Variants in RASGRF1 observed in about 807,000 individuals in gnomAD.
RASGRF1 encodes the protein ras-specific guanine nucleotide-releasing factor 1.
In RASGRF1, 40 loss-of-function variants were observed where a neutral mutation model predicts 138.7. The ratio of observed to expected loss-of-function variants is 0.29; its 90% CI spans 0.22 to 0.38. The LOEUF (loss-of-function observed/expected upper bound fraction) is 0.38. Among genes scored for constraint, RASGRF1 ranks in the 10% least tolerant of loss-of-function variants. The pLI is 1.00. For synonymous variants in RASGRF1, 614 were observed against 663.2 expected, an observed-to-expected ratio of 0.93 and a Z score of 1.14; for missense variants, 1,108 against 1,650.4, an observed-to-expected ratio of 0.67 and a Z score of 5.69.
At chr15:79,035,465 G>C (rs2057206645) in intron 5 of RASGRF1, among the ~76,000 whole-genome samples, 1 of 152,242 alleles carries the variant, frequency 6.6e-6, no homozygotes, top group Admixed American at 6.5e-5. Flanking sequence ...ATCAAGCCCA[G>C]GCTCGTCTAT....
intron 1 of RASGRF1, among the ~76,000 whole-genome samples, chr15:79,089,981 C>T (rs1394573167): frequency 6.6e-6 from 1 of 152,198 alleles, no homozygotes; most frequent in Non-Finnish European, 1.5e-5. Context: ...CCACGGGGCT[C>T]GTCCGGCGAA....
chr15:79,001,899 T>G (rs2056536763), intron 15 of RASGRF1, 112 bp from the exon 16 acceptor site: 2 of 730,100 alleles, frequency 2.7e-6, no homozygotes, highest in Non-Finnish European at 3.8e-6. Context: ...AGAGTAAACT[T>G]GGGATACAGC....
intron 4 of RASGRF1, 111 bp from the exon 5 acceptor site, chr15:79,047,110 C>T (rs74539950): frequency 0.043 from 58,484 of 1,354,208 alleles, 1,565 homozygotes; most frequent in Non-Finnish European, 0.05. Context: ...GTTATTCCTA[C>T]GCCGGGCATG....
intron 2 of RASGRF1, among the ~76,000 whole-genome samples, chr15:79,061,369 G>T (rs1204083623): frequency 7.4e-6 from 1 of 135,774 alleles, no homozygotes; most frequent in Non-Finnish European, 1.5e-5. Flanking sequence ...TGAGTTGGTG[G>T]TAACTTCTCA....
chr15:79,059,786 T>C (rs1433347586), intron 2 of RASGRF1, among the ~76,000 whole-genome samples: 3 of 152,158 alleles, frequency 2.0e-5, no homozygotes, highest in African/African-American at 4.8e-5. Context: ...CAGAATATTA[T>C]ACATACAGCG....
At chr15:79,063,949 A>G (rs1216614499) in intron 2 of RASGRF1, among the ~76,000 whole-genome samples, 1 of 152,168 alleles carries the variant, frequency 6.6e-6, no homozygotes, top group Non-Finnish European at 1.5e-5. Flanking sequence ...CTGCTGGAGC[A>G]GAGGGGAGGA....
intron 1 of RASGRF1, among the ~76,000 whole-genome samples, chr15:79,088,478 G>T (rs1201453625): frequency 6.6e-6 from 1 of 152,206 alleles, no homozygotes; most frequent in Non-Finnish European, 1.5e-5. Context: ...AAGTCACACA[G>T]CCAGGAAGTC....
chr15:79,015,252 A>G, intron 13 of RASGRF1, 75 bp downstream of exon 13: 2 of 1,436,918 alleles, frequency 1.4e-6, no homozygotes, highest in Non-Finnish European at 2.0e-6. Context: ...GGCTCATCCC[A>G]GTGTCCTGGC....
At chr15:79,051,868 T>G (rs1221883484) in intron 3 of RASGRF1, among the ~76,000 whole-genome samples, 1 of 152,182 alleles carries the variant, frequency 6.6e-6, no homozygotes, top group Non-Finnish European at 1.5e-5. Context: ...CTTGGCCCAT[T>G]GCAACTAGGA....
intron 16 of RASGRF1, among the ~76,000 whole-genome samples, 195 bp from the exon 17 acceptor site, chr15:79,000,108 C>A (rs1325368286): frequency 6.6e-6 from 1 of 152,068 alleles, no homozygotes; most frequent in Non-Finnish European, 1.5e-5. Flanking sequence ...AGAGTCACAC[C>A]ACAACACCCT....
At chr15:79,004,824 C>G (rs1251270749) in intron 14 of RASGRF1, 1 of 985,368 alleles carries the variant, frequency 1.0e-6, no homozygotes, top group African/African-American at 1.7e-5. Context: ...CCACGTTGCA[C>G]ACAGGATAGG....
intron 5 of RASGRF1, among the ~76,000 whole-genome samples, chr15:79,045,686 C>T (rs1388510881): frequency 1.3e-5 from 2 of 152,214 alleles, no homozygotes; most frequent in Non-Finnish European, 2.9e-5. Context: ...CTCACCTGAG[C>T]CTCAGACTCA....
intron 14 of RASGRF1, chr15:79,005,047 G>A: frequency 1.0e-6 from 1 of 985,458 alleles, no homozygotes; most frequent in Non-Finnish European, 1.2e-6. Context: ...TGGGCCCCTG[G>A]GAATGATCTC....
chr15:79,052,663 G>A (rs1197292382), intron 3 of RASGRF1, among the ~76,000 whole-genome samples: 4 of 152,204 alleles, frequency 2.6e-5, no homozygotes, highest in African/African-American at 9.7e-5. Flanking sequence ...GCCAGGAAGT[G>A]GCAAGGCTCC....
At chr15:78,977,265 G>T (rs1398148312) in intron 24 of RASGRF1, among the ~76,000 whole-genome samples, 2 of 152,156 alleles carry the variant, frequency 1.3e-5, no homozygotes, top group Non-Finnish European at 2.9e-5. Flanking sequence ...GTTTCTGCCG[G>T]CTGTGGTTGG....
At chr15:78,991,119 G>A (rs184361083) in intron 21 of RASGRF1, among the ~76,000 whole-genome samples, 29 of 152,376 alleles carry the variant, frequency 1.9e-4, no homozygotes, top group African/African-American at 4.8e-4. Context: ...AAACACTCTC[G>A]TGGCTTAGTA....
chr15:78,992,661 C>G (rs1370167332), intron 20 of RASGRF1, among the ~76,000 whole-genome samples: 1 of 152,204 alleles, frequency 6.6e-6, no homozygotes, highest in Non-Finnish European at 1.5e-5. Flanking sequence ...GGAGAGCGGT[C>G]AACCCCTCAG....
chr15:79,061,279 G>GAGGTCT (rs1480278353), intron 2 of RASGRF1, among the ~76,000 whole-genome samples: 1 of 151,936 alleles, frequency 6.6e-6, no homozygotes, highest in East Asian at 1.9e-4. Context: ...TGAGACCCTG[G>GAGGTCT]CAGAGAGAGA....
chr15:78,999,943 T>C (rs1187071221), intron 16 of RASGRF1, 30 bp from the exon 17 acceptor site: 1 of 1,605,326 alleles, frequency 6.2e-7, no homozygotes, highest in African/African-American at 1.3e-5. Context: ...AACCCTCAGC[T>C]GTCCCCAGTC....
Sources: gnomAD v4.1 joint callset for allele counts (sites outside exome capture counted in the v4.1 genomes callset) on GRCh38, gnomAD v4.1.1 for gene constraint, MANE v1.5 for transcripts, NCBI Gene and HGNC (gene_info 2026-07-23, HGNC 2026-07-21) for gene names.